Variants in TUBGCP3 observed in about 807,000 individuals in gnomAD.
TUBGCP3 encodes the protein tubulin gamma complex component 3.
In TUBGCP3, 50 loss-of-function variants were observed where a neutral mutation model predicts 123.1. The observed-to-expected ratio is 0.41, with a 90% CI of 0.32 to 0.51. The LOEUF is 0.51. TUBGCP3 is among the 20% of genes least tolerant of loss of function. The probability of loss-of-function intolerance (pLI) is 0.36; values close to 1 mark genes in which losing one functional copy is unlikely to be tolerated. For missense variants in TUBGCP3, 882 were observed against 1,127.0 expected (o/e 0.78, Z 3.11); for synonymous variants, 405 against 413.9 (o/e 0.98, Z 0.26).
At chr13:112,532,895 A>G (rs1324469802) in intron 11 of TUBGCP3, among the ~76,000 whole-genome samples, 1 of 152,240 alleles carries the variant, frequency 6.6e-6, no homozygotes, top group Non-Finnish European at 1.5e-5. Context: ...TATCCTTTTT[A>G]TTGTTAAAAA....
At chr13:112,550,172 C>T (rs895879041) in intron 8 of TUBGCP3, among the ~76,000 whole-genome samples, 1 of 152,066 alleles carries the variant, frequency 6.6e-6, no homozygotes, top group Non-Finnish European at 1.5e-5. Context: ...AAGGAGCCCA[C>T]AGCAGAAGCA....
chr13:112,553,911 T>A, intron 8 of TUBGCP3, 146 bp downstream of exon 8: 1 of 1,269,014 alleles, frequency 7.9e-7, no homozygotes, highest in South Asian at 1.5e-5. Flanking sequence ...GTTTCTACTG[T>A]CTTGAGTGGA....
chr13:112,536,949 A>G (rs1189642377), intron 11 of TUBGCP3, among the ~76,000 whole-genome samples: 1 of 151,646 alleles, frequency 6.6e-6, no homozygotes, highest in Admixed American at 6.6e-5. Context: ...TTTTTTCTTA[A>G]TCTTTTGTAG....
At chr13:112,569,064 T>A (rs1881200997) in intron 2 of TUBGCP3, 88 bp downstream of exon 2, 1 of 1,224,032 alleles carries the variant, frequency 8.2e-7, no homozygotes. Context: ...GGGAACTACA[T>A]ACACACCTAC....
intron 17 of TUBGCP3, among the ~76,000 whole-genome samples, chr13:112,509,562 C>A (rs371504727): frequency 6.6e-6 from 1 of 152,174 alleles, no homozygotes; most frequent in Non-Finnish European, 1.5e-5. Flanking sequence ...GTACTACCAG[C>A]GAATACAGTT....
chr13:112,522,912 A>G (rs1566549768), intron 13 of TUBGCP3, among the ~76,000 whole-genome samples: 2 of 152,242 alleles, frequency 1.3e-5, no homozygotes, highest in African/African-American at 4.8e-5. Flanking sequence ...TGTGAATTGT[A>G]CAACTCGCAA....
intron 19 of TUBGCP3, among the ~76,000 whole-genome samples, chr13:112,500,838 T>C (rs1880855241): frequency 6.6e-6 from 1 of 152,262 alleles, no homozygotes; most frequent in Non-Finnish European, 1.5e-5. Flanking sequence ...CAAAAATATT[T>C]TCCGTTATGA....
chr13:112,599,865 C>G, the TUBGCP3 span, among the ~76,000 whole-genome samples: 2 of 152,122 alleles, frequency 1.3e-5, no homozygotes, highest in African/African-American at 4.8e-5. Context: ...CATTTTTATA[C>G]CATTTTAGAT....
At chr13:112,558,099 A>T in intron 5 of TUBGCP3, 97 bp downstream of exon 5, 1 of 1,362,094 alleles carries the variant, frequency 7.3e-7, no homozygotes, top group Non-Finnish European at 9.9e-7. Flanking sequence ...ATGAGGCCCC[A>T]CTGATACTGT....
chr13:112,544,197 T>G (rs1340370672), intron 11 of TUBGCP3, among the ~76,000 whole-genome samples: 2 of 152,046 alleles, frequency 1.3e-5, no homozygotes, highest in Middle Eastern at 3.4e-3. Context: ...CTCACGCCTG[T>G]AATCCCAGCA....
intron 17 of TUBGCP3, among the ~76,000 whole-genome samples, chr13:112,505,856 C>T (rs1053274596): frequency 2.6e-5 from 4 of 152,256 alleles, no homozygotes; most frequent in Admixed American, 1.3e-4. Context: ...AGGGACGCGC[C>T]GTGCACTTGG....
Position 112,520,001 on chromosome 13 carries a change from G to A in TUBGCP3, c.1766C>T (p.Ala589Val). The A allele has an allele frequency of 6.2e-7, 1 of 1,613,920 alleles. No homozygotes were observed. Among genetic ancestry groups the A allele is most frequent in the Non-Finnish European group, 8.5e-7 (1 of 1,179,830 alleles). ...CAAGTTATGCTGATACAAAGTCGTA[G>A]CTGGACGGACAAGTTCTGGTCTTAA... ...DLLKPELVRP[A>V]TTLYQHNLTG... Residue 589 changes from alanine to valine, a missense_variant, in exon 15 of 22, where the codon GCT becomes GTT. Transcript: ENST00000261965.
intron 1 of TUBGCP3, among the ~76,000 whole-genome samples, chr13:112,586,945 G>T (rs1445638177): frequency 6.6e-6 from 1 of 152,172 alleles, no homozygotes; most frequent in Non-Finnish European, 1.5e-5. Context: ...GATTATCATA[G>T]AACATCCAAT....
chr13:112,489,483 G>C lies in TUBGCP3; in HGVS notation c.2565+98C>G, dbSNP rs541692275. ...CACCTACACAAATAAGTGTCAGACT[G>C]ACAGGGCTGACTCTGCTCTCATCAC... On this transcript the variant is annotated intron_variant, in intron 21 of 21. Transcript: ENST00000261965. 13 of 853,330 alleles carry C rather than the reference G, an allele frequency of 1.5e-5. No homozygotes were observed. In the South Asian group the frequency reaches 1.9e-4, roughly 12 times the overall value. The allele number at this position is 853,330 out of a possible 1,614,324, so 52.9% of individuals were successfully genotyped here.
intron 11 of TUBGCP3, chr13:112,544,710 G>A (rs2139165325): frequency 6.6e-6 from 1 of 152,346 alleles, no homozygotes; most frequent in South Asian, 2.1e-4. Context: ...CATCGGGAAA[G>A]TGCTACAAGA....
chr13:112,526,609 T>TCAC (rs369401789), intron 13 of TUBGCP3, among the ~76,000 whole-genome samples: 32,276 of 144,202 alleles, frequency 0.22, 3,778 homozygotes, highest in Middle Eastern at 0.33. Flanking sequence ...ATCATCATCA[T>TCAC]CACCATCATC....
chr13:112,548,615 C>A (rs373691924), intron 8 of TUBGCP3, among the ~76,000 whole-genome samples: 1 of 152,166 alleles, frequency 6.6e-6, no homozygotes, highest in Non-Finnish European at 1.5e-5. Flanking sequence ...CCAGAATCTA[C>A]AAAGAACTTA....
chr13:112,512,716 C>T (rs1881752753), intron 17 of TUBGCP3, among the ~76,000 whole-genome samples: 2 of 152,204 alleles, frequency 1.3e-5, no homozygotes, highest in South Asian at 2.1e-4. Flanking sequence ...GCCTGGGTGA[C>T]GGAGTGAGAC....
intron 2 of TUBGCP3, among the ~76,000 whole-genome samples, chr13:112,567,947 T>A (rs1380669616): frequency 1.3e-5 from 2 of 150,800 alleles, no homozygotes; most frequent in South Asian, 4.2e-4. Context: ...CACAGCCAAA[T>A]GGGCTTCTAG....
Sources: gnomAD v4.1 joint callset for allele counts (sites outside exome capture counted in the v4.1 genomes callset) on GRCh38, gnomAD v4.1.1 for gene constraint, MANE v1.5 for transcripts, NCBI Gene and HGNC (gene_info 2026-07-23, HGNC 2026-07-21) for gene names.